The following ADAMTS20 variants were observed in gnomAD, a reference collection of about 807,000 sequenced individuals.
ADAMTS20 encodes the protein ADAM metallopeptidase with thrombospondin type 1 motif 20, also known as A disintegrin and metalloproteinase with thrombospondin motifs 20.
In ADAMTS20, 225 loss-of-function variants were observed where a neutral mutation model predicts 260.1. The observed-to-expected ratio is 0.87, with a 90% confidence interval of 0.78 to 0.97. The LOEUF is 0.97. Ranked by LOEUF, ADAMTS20 falls within the 50% of genes least tolerant of loss-of-function variation. The pLI, the probability that ADAMTS20 is intolerant of heterozygous loss-of-function variation, is 0.00. For missense variants in ADAMTS20, 2,400 were observed against 2,337.7 expected, an observed-to-expected ratio of 1.03 and a Z score of -0.55; for synonymous variants, 802 against 769.5, an observed-to-expected ratio of 1.04 and a Z score of -0.70.
chr12:43,415,696 G>A (rs746999685), intron 28 of ADAMTS20, among the ~76,000 whole-genome samples: 3 of 152,122 alleles, frequency 2.0e-5, no homozygotes, highest in Non-Finnish European at 4.4e-5. Context: ...TAAAACAGGA[G>A]TCAAACTGAG....
chr12:43,464,392 A>C (rs1425464233), intron 10 of ADAMTS20, among the ~76,000 whole-genome samples, 199 bp downstream of exon 10: 1 of 152,160 alleles, frequency 6.6e-6, no homozygotes, highest in Non-Finnish European at 1.5e-5. Context: ...ATAATTTTTA[A>C]GTACCCAAAA....
At chr12:43,486,084 A>C (rs1942518609) in intron 7 of ADAMTS20, among the ~76,000 whole-genome samples, 1 of 152,142 alleles carries the variant, frequency 6.6e-6, no homozygotes. Context: ...AACAATTATA[A>C]AATTCATATA....
At chr12:43,390,127 A>T (rs1940566654) in intron 29 of ADAMTS20, among the ~76,000 whole-genome samples, 1 of 152,184 alleles carries the variant, frequency 6.6e-6, no homozygotes, top group African/African-American at 2.4e-5. Flanking sequence ...GCACCAAACC[A>T]TTGCAGCCCT....
At chr12:43,469,049 G>C (rs1368029277) in intron 7 of ADAMTS20, among the ~76,000 whole-genome samples, 1 of 152,078 alleles carries the variant, frequency 6.6e-6, no homozygotes, top group Non-Finnish European at 1.5e-5. Flanking sequence ...GCAGGAAAGA[G>C]ATTAAATGTG....
intron 11 of ADAMTS20, among the ~76,000 whole-genome samples, chr12:43,454,806 T>A (rs1941935222): frequency 6.6e-6 from 1 of 152,172 alleles, no homozygotes; most frequent in Admixed American, 6.5e-5. Context: ...AACTTGAGAG[T>A]AAGCATTAAG....
chr12:43,453,497 A>T (rs1941907172), intron 12 of ADAMTS20, among the ~76,000 whole-genome samples: 1 of 152,156 alleles, frequency 6.6e-6, no homozygotes, highest in African/African-American at 2.4e-5. Context: ...CACATGTCAC[A>T]ATGCACAAAA....
At chr12:43,527,870 T>A (rs752438208) in intron 3 of ADAMTS20, among the ~76,000 whole-genome samples, 12 of 152,064 alleles carry the variant, frequency 7.9e-5, no homozygotes, top group Non-Finnish European at 1.8e-4. Flanking sequence ...ATAAAGGGCA[T>A]CCAAATTGGA....
At chr12:43,372,415 C>T (rs1272601033) in intron 36 of ADAMTS20, among the ~76,000 whole-genome samples, 2 of 152,056 alleles carry the variant, frequency 1.3e-5, no homozygotes, top group East Asian at 1.9e-4. Flanking sequence ...TTATTGATGA[C>T]TTTGATAAGG....
intron 18 of ADAMTS20, among the ~76,000 whole-genome samples, chr12:43,435,842 A>C (rs1230387832): frequency 2.6e-5 from 4 of 152,106 alleles, no homozygotes; most frequent in Non-Finnish European, 5.9e-5. Context: ...ACTACAGCAA[A>C]AGCAAACTAA....
intron 28 of ADAMTS20, 102 bp from the exon 29 acceptor site, chr12:43,399,335 G>T: frequency 9.6e-7 from 1 of 1,042,988 alleles, no homozygotes; most frequent in Non-Finnish European, 1.3e-6. Flanking sequence ...TAATTCCTTT[G>T]ATATTTTTAT....
intron 14 of ADAMTS20, among the ~76,000 whole-genome samples, chr12:43,447,183 CAA>C (rs61472345): frequency 6.8e-6 from 1 of 146,056 alleles, no homozygotes. Flanking sequence ...AGAGACACGA[CAA>C]AAAAAAAAGA....
intron 2 of ADAMTS20, among the ~76,000 whole-genome samples, chr12:43,537,000 T>C (rs1943304550): frequency 6.6e-6 from 1 of 152,196 alleles, no homozygotes; most frequent in South Asian, 2.1e-4. Flanking sequence ...TATCTTAATA[T>C]AGAGATACTT....
intron 6 of ADAMTS20, 63 bp from the exon 7 acceptor site, chr12:43,490,498 A>C (rs1464409935): frequency 3.5e-6 from 3 of 858,434 alleles, no homozygotes; most frequent in African/African-American, 1.8e-5. Context: ...AGCCAAAATA[A>C]AAATAAAGAA....
chr12:43,392,867 C>T (rs889089933), intron 29 of ADAMTS20, among the ~76,000 whole-genome samples: 1 of 152,000 alleles, frequency 6.6e-6, no homozygotes, highest in Admixed American at 6.6e-5. Context: ...CAGCATATCC[C>T]AGGGCTCCAT....
intron 11 of ADAMTS20, among the ~76,000 whole-genome samples, chr12:43,458,808 A>G (rs1942010706): frequency 6.6e-6 from 1 of 152,194 alleles, no homozygotes. Flanking sequence ...AGACAGGACT[A>G]GCTGGATTAC....
intron 31 of ADAMTS20, among the ~76,000 whole-genome samples, chr12:43,381,780 CA>C (rs765135656): frequency 0.088 from 3,028 of 34,450 alleles, 12 homozygotes; most frequent in South Asian, 0.17. Flanking sequence ...GACTGCATCT[CA>C]AAAAAAAAAA....
In ADAMTS20 at chr12:43,551,780, C is replaced by G; in HGVS notation, c.91+51G>C. On this transcript the variant is annotated intron_variant, in intron 1 of 38. Transcript: ENST00000389420. This position sits in a 1 kb window ranked among gnomAD's most constrained non-coding sequence, Gnocchi z 4.6. ...GTCCCCGCGACCTGCATGTCCCACT[C>G]GGGCCCCGCGCCCCCACTTAGCCGC... The G allele has an allele frequency of 6.3e-7, 1 of 1,586,326 alleles. No homozygotes were observed. Among genetic ancestry groups the G allele is most frequent in the Non-Finnish European group, 8.6e-7 (1 of 1,157,686 alleles).
intron 31 of ADAMTS20, among the ~76,000 whole-genome samples, chr12:43,382,812 T>C (rs888806594): frequency 2.1e-5 from 3 of 145,322 alleles, no homozygotes; most frequent in Non-Finnish European, 3.0e-5. Context: ...AAGATGAAGA[T>C]GATAATGGCT....
At chr12:43,464,995 T>A (rs186837004) in intron 9 of ADAMTS20, among the ~76,000 whole-genome samples, 2 of 152,124 alleles carry the variant, frequency 1.3e-5, no homozygotes, top group African/African-American at 4.8e-5. Flanking sequence ...TAAAAAATGA[T>A]AAGCAATAAA....
Sources: gnomAD v4.1 joint callset for allele counts (sites outside exome capture counted in the v4.1 genomes callset) on GRCh38, gnomAD v4.1.1 for gene constraint, Gnocchi (gnomAD v3.1) non-coding constraint, MANE v1.5 for transcripts, NCBI Gene and HGNC (gene_info 2026-07-23, HGNC 2026-07-21) for gene names.